Variants in LSAMP observed in about 807,000 individuals in gnomAD.
The protein encoded by LSAMP is limbic system associated membrane protein.
LSAMP carries 7 observed loss-of-function variants against 38.6 expected under a neutral mutation model. That is an observed-to-expected ratio of 0.18 (90% CI 0.10 to 0.34). LSAMP has a LOEUF of 0.34. Among genes scored for constraint, LSAMP ranks in the 10% least tolerant of loss-of-function variants. LSAMP has a pLI of 1.00. For synonymous variants in LSAMP, 154 were observed against 166.8 expected (o/e 0.92, Z 0.59); for missense variants, 313 against 420.0 (o/e 0.75, Z 2.23).
chr3:115,978,252 A>G (rs1418792534), intron 3 of LSAMP, among the ~76,000 whole-genome samples: 2 of 152,208 alleles, frequency 1.3e-5, no homozygotes, highest in East Asian at 3.9e-4. Flanking sequence ...AGAAAAGTAA[A>G]GGACAACTTT....
At chr3:116,422,473 T>C (rs1156669861) in intron 1 of LSAMP, among the ~76,000 whole-genome samples, 1 of 152,228 alleles carries the variant, frequency 6.6e-6, no homozygotes, top group African/African-American at 2.4e-5. Context: ...CCCCATTTTA[T>C]AGAAGAGACT....
chr3:116,212,595 A>G (rs2046172680), intron 1 of LSAMP, among the ~76,000 whole-genome samples: 1 of 152,198 alleles, frequency 6.6e-6, no homozygotes, highest in South Asian at 2.1e-4. Flanking sequence ...ATCTTCAAAG[A>G]CACCCTTCTG....
At chr3:115,848,099 A>G (rs763546420) in intron 4 of LSAMP, among the ~76,000 whole-genome samples, 3 of 152,220 alleles carry the variant, frequency 2.0e-5, no homozygotes, top group Non-Finnish European at 2.9e-5. Flanking sequence ...GAATAAACTA[A>G]AGATGAGCAT....
chr3:116,076,970 TTAATA>T (rs1294061237), intron 2 of LSAMP, among the ~76,000 whole-genome samples: 1 of 152,038 alleles, frequency 6.6e-6, no homozygotes, highest in East Asian at 1.9e-4. Context: ...AACTATTGAT[TTAATA>T]TATTTCTTCA....
intron 1 of LSAMP, among the ~76,000 whole-genome samples, chr3:116,106,254 T>C (rs1033694068): frequency 6.6e-6 from 1 of 152,116 alleles, no homozygotes; most frequent in African/African-American, 2.4e-5. Context: ...TCAGCTGTAA[T>C]GGCTTGGAGA....
intron 3 of LSAMP, among the ~76,000 whole-genome samples, chr3:115,863,601 T>G (rs1488163431): frequency 6.6e-6 from 1 of 151,758 alleles, no homozygotes; most frequent in Non-Finnish European, 1.5e-5. Flanking sequence ...TATATATAAA[T>G]AAATGTTTAC....
At chr3:116,214,660 G>A (rs1476401303) in intron 1 of LSAMP, among the ~76,000 whole-genome samples, 1 of 151,920 alleles carries the variant, frequency 6.6e-6, no homozygotes, top group Non-Finnish European at 1.5e-5. Flanking sequence ...CCACCACCAC[G>A]CATGGCTAAT....
intron 3 of LSAMP, among the ~76,000 whole-genome samples, chr3:115,876,195 A>G (rs1936174447): frequency 6.6e-6 from 1 of 151,460 alleles, no homozygotes; most frequent in Non-Finnish European, 1.5e-5. Flanking sequence ...GAGGATTTCA[A>G]ACTTACTCAG....
intron 1 of LSAMP, among the ~76,000 whole-genome samples, chr3:116,132,645 T>C (rs990891387): frequency 2.0e-5 from 3 of 152,212 alleles, no homozygotes; most frequent in Non-Finnish European, 4.4e-5. Context: ...TCTTAACAAA[T>C]GTCTCCTTTT....
At chr3:116,377,741 T>C (rs1477110425) in intron 1 of LSAMP, among the ~76,000 whole-genome samples, 3 of 152,020 alleles carry the variant, frequency 2.0e-5, no homozygotes, top group Non-Finnish European at 4.4e-5. Context: ...TCTAATAATA[T>C]TGAAATCCCA....
chr3:116,396,554 T>G (rs1315948698), intron 1 of LSAMP, among the ~76,000 whole-genome samples: 1 of 152,210 alleles, frequency 6.6e-6, no homozygotes, highest in Non-Finnish European at 1.5e-5. Context: ...CTTAATTACT[T>G]TCACTTATCT....
At chr3:116,212,347 T>C (rs1398393876) in intron 1 of LSAMP, among the ~76,000 whole-genome samples, 1 of 152,208 alleles carries the variant, frequency 6.6e-6, no homozygotes, top group Non-Finnish European at 1.5e-5. Context: ...GTTTTTCATT[T>C]ATGGCAATAT....
chr3:116,198,230 A>G (rs769752524), intron 1 of LSAMP, among the ~76,000 whole-genome samples: 14 of 152,206 alleles, frequency 9.2e-5, no homozygotes, highest in Admixed American at 2.6e-4. Flanking sequence ...CACAGTTTAC[A>G]GGGATAAAAA....
At chr3:115,932,184 C>A (rs2107542379) in intron 3 of LSAMP, among the ~76,000 whole-genome samples, 1 of 152,196 alleles carries the variant, frequency 6.6e-6, no homozygotes, top group East Asian at 1.9e-4. Context: ...TTAAACCTGA[C>A]AAGAACTTAT....
At chr3:116,024,529 G>T (rs1940733001) in intron 2 of LSAMP, among the ~76,000 whole-genome samples, 1 of 152,132 alleles carries the variant, frequency 6.6e-6, no homozygotes, top group Non-Finnish European at 1.5e-5. Context: ...GAACCAAGAA[G>T]AACTTGGTGT....
At chr3:116,156,616 T>C (rs982085542) in intron 1 of LSAMP, among the ~76,000 whole-genome samples, 2 of 152,132 alleles carry the variant, frequency 1.3e-5, no homozygotes, top group Non-Finnish European at 2.9e-5. Flanking sequence ...TGTGTCTCAA[T>C]ACTACATTCA....
intron 2 of LSAMP, among the ~76,000 whole-genome samples, chr3:116,071,718 C>G (rs958921853): frequency 6.6e-6 from 1 of 152,146 alleles, no homozygotes; most frequent in African/African-American, 2.4e-5. Context: ...AGCTCAGCAT[C>G]CATTAGCTAT....
At chr3:116,422,312 A>C (rs946251378) in intron 1 of LSAMP, among the ~76,000 whole-genome samples, 29 of 152,222 alleles carry the variant, frequency 1.9e-4, no homozygotes, top group African/African-American at 7.0e-4. Context: ...AAAAATGAAA[A>C]ATAACAATAC....
intron 1 of LSAMP, among the ~76,000 whole-genome samples, chr3:116,208,938 C>A (rs1011272654): frequency 1.3e-5 from 2 of 152,220 alleles, no homozygotes; most frequent in Admixed American, 1.3e-4. Context: ...CCAGTTGGAG[C>A]TTCCCGGCTG....
Sources: gnomAD v4.1 joint callset for allele counts (sites outside exome capture counted in the v4.1 genomes callset) on GRCh38, gnomAD v4.1.1 for gene constraint, MANE v1.5 for transcripts, NCBI Gene and HGNC (gene_info 2026-07-23, HGNC 2026-07-21) for gene names.